LILRB5: variants seen among roughly 807,000 people sequenced by gnomAD.
LILRB5 encodes leukocyte immunoglobulin-like receptor subfamily B member 5.
LILRB5 carries 61 observed loss-of-function variants against 68.4 expected under a neutral mutation model. That is an observed-to-expected ratio of 0.89 (90% CI 0.73 to 1.10). LILRB5 has a LOEUF of 1.10. Ranked by LOEUF, LILRB5 falls within the 50% of genes least tolerant of loss-of-function variation. LILRB5 has a pLI of 0.00. For synonymous variants in LILRB5, 356 were observed against 315.8 expected (o/e 1.13, Z -1.35); for missense variants, 771 against 751.6 (o/e 1.03, Z -0.30).
chr19:54,252,275 C>G (rs2078982344), intron 11 of LILRB5, 91 bp downstream of exon 11: 1 of 1,457,646 alleles, frequency 6.9e-7, no homozygotes, highest in East Asian at 2.3e-5. Flanking sequence ...TGGCCCCAGA[C>G]CCCCCCCAGC....
chr19:54,251,951 C>G lies in LILRB5; in HGVS notation c.1629+103G>C, dbSNP rs147126602. On this transcript the variant is annotated intron_variant, in intron 12 of 12. Coordinates refer to ENST00000449561, the MANE Select transcript of LILRB5 (RefSeq NM_001081442.3). ...GCGTGCTGGACAAGGAGGGGTCCAC[C>G]GTGACGATGCTGAGAGCCGGGGGAA... is the stretch of plus-strand genomic sequence containing the variant. The G allele has an allele frequency of 4.8e-3, 5,805 of 1,203,716 alleles. 213 individuals carry two copies. In the African/African-American group the frequency reaches 0.075, roughly 16 times the overall value. 74.6% of individuals were successfully genotyped at this position (1,203,716 alleles called of 1,614,324 possible). A position where few individuals can be genotyped will look rare whatever the true frequency, so the allele number is the denominator to read the frequency against.
At chr19:54,256,870 C>G in intron 2 of LILRB5, 91 bp downstream of exon 2, 1 of 1,610,452 alleles carries the variant, frequency 6.2e-7, no homozygotes, top group Non-Finnish European at 8.5e-7. Context: ...TCAGTCAGCC[C>G]AGAACAGCTA....
chr19:54,253,916 C>G, intron 8 of LILRB5, 102 bp downstream of exon 8: 13 of 1,546,918 alleles, frequency 8.4e-6, no homozygotes, highest in Non-Finnish European at 1.1e-5. Context: ...AGGGGAAGGG[C>G]TTGTGCACTT....
chr19:54,255,355 A>G lies in LILRB5; in HGVS notation c.883T>C (p.Cys295Arg), dbSNP rs2041085377. ...GGGGAGAGGTTGTGTGCACCGTAGC[A>G]TCTGTACTGGCCCCCGTGGGAGCGG... is the stretch of plus-strand genomic sequence containing the variant. The part of the protein sequence containing the change: ...VSRSHGGQYR[C>R]YGAHNLSPRW... Residue 295 changes from cysteine (C) to arginine (R), a missense_variant, in exon 5 of 13, where the codon TGC becomes CGC. Coordinates refer to ENST00000449561, the MANE Select transcript of LILRB5 (RefSeq NM_001081442.3). 6.2e-7 allele frequency: 1 copy of G among 1,614,044 alleles called. No individual in the cohort carries two copies. The highest frequency in any genetic ancestry group is 8.5e-7 in the Non-Finnish European group (1 of 1,179,996).
Position 54,254,396 on chromosome 19 carries a change from G to A in LILRB5, c.1275C>T (p.Ser425=), listed in dbSNP as rs907015226. Residue 425 remains serine, a synonymous_variant, in exon 7 of 13, where the codon AGC becomes AGT. Coordinates refer to ENST00000449561, the MANE Select transcript of LILRB5 (RefSeq NM_001081442.3). The part of the protein sequence containing the change: ...LVVSGPSGDP[S]LSPTGSTPTP... Reference sequence around the variant, plus strand: ...TGGGGGTGGAGCCTGTAGGTGAGAGGCTGGGATCCCCAGAGGGTCCTGGGA... The same window carrying A: ...TGGGGGTGGAGCCTGTAGGTGAGAGACTGGGATCCCCAGAGGGTCCTGGGA... 2 of 1,586,204 alleles carry A rather than the reference G, an allele frequency of 1.3e-6. No homozygotes were observed. The highest frequency in any genetic ancestry group is 1.7e-6 in the Non-Finnish European group (2 of 1,166,286).
At chr19:54,255,909 G>T in intron 4 of LILRB5, 134 bp downstream of exon 4, 1 of 764,008 alleles carries the variant, frequency 1.3e-6, no homozygotes, top group Non-Finnish European at 2.1e-6. Flanking sequence ...CTCCCCGTGG[G>T]GTCTTCCTCA....
rs10404885 is a variant in LILRB5, at chr19:54,255,600, T to A, written c.656-18A>T. The A allele has an allele frequency of 4.4e-6, 7 of 1,607,554 alleles. No homozygotes were observed. Among genetic ancestry groups the A allele is most frequent in the Non-Finnish European group, 6.0e-6 (7 of 1,175,958 alleles). ...AGACACGCCTGGAGGGAAAGAGGAA[T>A]TGGGACTTGGAAGGCTGGTTCCTCC... On this transcript the variant is annotated intron_variant, in intron 4 of 12. Coordinates refer to ENST00000449561, the MANE Select transcript of LILRB5 (RefSeq NM_001081442.3).
Position 54,254,805 on chromosome 19 carries a change from G to C in LILRB5, c.1185C>G (p.Cys395Trp). ...VTSAQGGTYR[C>W]YSAIRSYPYL... is the part of the protein sequence containing the mutation. ...AGGGGTAGGACCTGATTGCGCTGTA[G>C]CATCGGTAGGTTCCACCCTGGGCTG... Residue 395 changes from cysteine (C) to tryptophan (W), a missense_variant, in exon 6 of 13, where the codon TGC (cysteine) becomes TGG (tryptophan). Coordinates refer to ENST00000449561, the MANE Select transcript of LILRB5 (RefSeq NM_001081442.3). The C allele has an allele frequency of 6.2e-7, 1 of 1,614,142 alleles. No homozygotes were observed. The highest frequency in any genetic ancestry group is 8.5e-7 in the Non-Finnish European group (1 of 1,180,000).
chr19:54,255,531 C>T lies in LILRB5; in HGVS notation c.707G>A (p.Arg236His), dbSNP rs574366743. 4.6e-5 allele frequency: 74 copies of T among 1,613,910 alleles called. No individual in the cohort carries two copies. Among genetic ancestry groups the T allele is most frequent in the Middle Eastern group, 3.3e-4 (2 of 6,058 alleles). The change falls in exon 5 of 13, where the codon CGC becomes CAC. Residue 236 changes from arginine (R) to histidine (H), a missense_variant. By Grantham distance (29) the Arg-to-His change is conservative (BLOSUM62 0). Coordinates refer to ENST00000449561, the MANE Select transcript of LILRB5 (RefSeq NM_001081442.3). The part of the protein sequence containing the change: ...LLIPQGSVVA[R>H]GGSLTLQCRS... Reference sequence around the variant, plus strand: ...ACACTGCAGGGTCAGGCTGCCTCCGCGGGCCACGACAGAGCCCTGCGGGAT... The same window carrying T: ...ACACTGCAGGGTCAGGCTGCCTCCGTGGGCCACGACAGAGCCCTGCGGGAT...
intron 8 of LILRB5, chr19:54,253,702 G>A: frequency 2.2e-6 from 2 of 921,570 alleles, no homozygotes; most frequent in Admixed American, 2.3e-5. Context: ...GAACCCAGGA[G>A]TCTGACCCGC....
rs767241779 is a variant in LILRB5 at position 54,252,878 on chromosome 19, C to G, written c.1467G>C (p.Arg489Ser). The change falls in exon 9 of 13, where the codon AGG becomes AGC. Residue 489 changes from arginine (R) to serine (S), a missense_variant. Transcript: ENST00000449561. ...CCCCCATTCCCTACTCACCCGATGT[C>G]CTGTGTTTGCTCTGATGCCGATGTC... Reference protein sequence around the residue: ...LLRHRHQSKHRTSAHFYRPAG... With the variant: ...LLRHRHQSKHSTSAHFYRPAG... The G allele has an allele frequency of 1.9e-6, 3 of 1,602,934 alleles. No homozygotes were observed. Among genetic ancestry groups the G allele is most frequent in the Non-Finnish European group, 8.5e-7 (1 of 1,173,078 alleles).
intron 5 of LILRB5, 55 bp from the exon 6 acceptor site, chr19:54,255,092 C>G: frequency 4.6e-6 from 7 of 1,531,380 alleles, no homozygotes; most frequent in Non-Finnish European, 6.1e-6. Context: ...GAGCTGAGAC[C>G]TCCCCAGGCC....
Position 54,250,813 on chromosome 19 carries a change from G to A in LILRB5, c.1749C>T (p.Ser583=), listed in dbSNP as rs2078918273. The A allele has an allele frequency of 6.2e-7, 1 of 1,614,168 alleles. No individual in the cohort carries two copies. The highest frequency in any genetic ancestry group is 8.5e-7 in the Non-Finnish European group (1 of 1,180,030). ...AGTGGATGGCCAGGGGGGCGTAGATGCTGGGTTCAGCTGGAGGTTCCCTTT... is the reference window on the plus strand; with the variant it reads ...AGTGGATGGCCAGGGGGGCGTAGATACTGGGTTCAGCTGGAGGTTCCCTTT... ...SQEREPPAEP[S]IYAPLAIH is the part of the protein sequence containing the mutation. The change falls in exon 13 of 13, where the codon AGC becomes AGT. Residue 583 remains serine, a synonymous_variant. Transcript: ENST00000449561.
In LILRB5 at chr19:54,250,888, C is replaced by T. The variant is rs433291; in HGVS notation, c.1674G>A (p.Leu558=). 0.19 allele frequency: 305,849 copies of T among 1,608,254 alleles called. 30,266 individuals are homozygous for T. The highest frequency in any genetic ancestry group is 0.21 in the Admixed American group (12,296 of 59,128). Reference sequence around the variant, plus strand: ...CCTCCCGTCTGAGGGTCAAGCTGTGCAGCTGGGCGTAGGTCACATCCTGGG... The same window carrying T: ...CCTCCCGTCTGAGGGTCAAGCTGTGTAGCTGGGCGTAGGTCACATCCTGGG... ...EAPQDVTYAQ[L]HSLTLRREAT... The change falls in exon 13 of 13, where the codon CTG becomes CTA. Residue 558 remains leucine, a synonymous_variant. Transcript: ENST00000449561.
rs907015226 is a variant in LILRB5 at position 54,254,396 on chromosome 19, G to T, written c.1275C>A (p.Ser425Arg). The change falls in exon 7 of 13, where the codon AGC becomes AGA. Residue 425 changes from serine to arginine, a missense_variant. By Grantham distance (110) the Ser-to-Arg change is moderately radical. Coordinates refer to ENST00000449561, the MANE Select transcript of LILRB5 (RefSeq NM_001081442.3). ...TGGGGGTGGAGCCTGTAGGTGAGAG[G>T]CTGGGATCCCCAGAGGGTCCTGGGA... ...LVVSGPSGDP[S>R]LSPTGSTPTP... 4 of 1,586,206 alleles carry T rather than the reference G, an allele frequency of 2.5e-6. No individual in the cohort carries two copies. In the African/African-American group the frequency reaches 4.0e-5, roughly 16 times the overall value.
In LILRB5 at chr19:54,256,099, C is replaced by T. The variant is rs1221680539; in HGVS notation, c.599G>A (p.Arg200Lys). 3 of 1,587,828 alleles carry T rather than the reference C, an allele frequency of 1.9e-6. No individual in the cohort carries two copies. The East Asian group carries it at 6.8e-5, about 36-fold the overall frequency. The change falls in exon 4 of 13, where the codon AGG becomes AAG. Residue 200 changes from arginine (R) to lysine (K), a missense_variant. Coordinates refer to ENST00000449561, the MANE Select transcript of LILRB5 (RefSeq NM_001081442.3). ...GTTCGACCACACCTGAGGGTTTTTC[C>T]TGTAATAGTAATAGCATCTGAACCT... ...RWRFRCYYYY[R>K]KNPQVWSNPS...
In LILRB5 at chr19:54,250,622, A is replaced by T; in HGVS notation, c.*164T>A. 1 of 786,928 alleles carries T rather than the reference A, an allele frequency of 1.3e-6. No individual in the cohort carries two copies. Among genetic ancestry groups the T allele is most frequent in the Non-Finnish European group, 2.0e-6 (1 of 498,350 alleles). 48.7% of individuals were successfully genotyped at this position (786,928 alleles called of 1,614,324 possible). ...AATGCAAGGATATTAGTCATCTTTG[A>T]CTGCAGAATCTAGTGAGTCCCAGAG... On this transcript the variant is annotated 3_prime_UTR_variant, in exon 13 of 13. Coordinates refer to ENST00000449561, the MANE Select transcript of LILRB5 (RefSeq NM_001081442.3).
At chr19:54,253,797 C>T in intron 8 of LILRB5, 1 of 1,447,068 alleles carries the variant, frequency 6.9e-7, no homozygotes, top group Non-Finnish European at 9.3e-7. Context: ...TGCTCCCCTC[C>T]CCTGCCCCAG....
rs751654180 is a variant in LILRB5 at position 54,256,770 on chromosome 19, G to A, written c.74C>T (p.Thr25Ile). 4 of 1,613,704 alleles carry A rather than the reference G, an allele frequency of 2.5e-6. No individual in the cohort carries two copies. Among genetic ancestry groups the A allele is most frequent in the Non-Finnish European group, 2.5e-6 (3 of 1,179,946 alleles). ...AGCCCAGAGGGTGGGTTTGGGGAGG[G>A]TGCCTAGAATGGAATCAGAGGCTGG... ...VGPRTCVQAG[T>I]LPKPTLWAEP... The change falls in exon 3 of 13, where the codon ACC (threonine) becomes ATC (isoleucine). Residue 25 changes from threonine to isoleucine, a missense_variant. Coordinates refer to ENST00000449561, the MANE Select transcript of LILRB5 (RefSeq NM_001081442.3).
Sources: gnomAD v4.1 joint callset for allele counts on GRCh38, gnomAD v4.1.1 for gene constraint, MANE v1.5 for transcripts, NCBI Gene and HGNC (gene_info 2026-07-23, HGNC 2026-07-21) for gene names.